The following BCAR3 variants were observed in gnomAD, a reference collection of about 807,000 sequenced individuals.
BCAR3 encodes BCAR3 adaptor protein, NSP family member.
Under a neutral mutation model 80.1 loss-of-function variants are expected in BCAR3, and 37 were observed. The observed-to-expected ratio is 0.46, with a 90% confidence interval of 0.36 to 0.61. The LOEUF (loss-of-function observed/expected upper bound fraction) is 0.61. Ranked by LOEUF, BCAR3 falls within the 20% of genes least tolerant of loss-of-function variation. The pLI is 0.00. For synonymous variants in BCAR3, 389 were observed against 418.9 expected (o/e 0.93, Z 0.87); for missense variants, 978 against 1,068.2 (o/e 0.92, Z 1.18).
intron 2 of BCAR3, among the ~76,000 whole-genome samples, chr1:93,658,813 G>C (rs1647513285): frequency 6.6e-6 from 1 of 152,144 alleles, no homozygotes; most frequent in Non-Finnish European, 1.5e-5. Flanking sequence ...CTCATTCCTA[G>C]AACACTTAAT....
chr1:93,581,411 ATTTT>A (rs201034104), intron 7 of BCAR3, among the ~76,000 whole-genome samples: 2 of 144,312 alleles, frequency 1.4e-5, no homozygotes, highest in East Asian at 2.0e-4. Context: ...GTATTTTAGA[ATTTT>A]TTTTTTTTTT....
At chr1:93,763,896 T>C (rs928509352) in intron 2 of BCAR3, among the ~76,000 whole-genome samples, 15 of 152,284 alleles carry the variant, frequency 9.9e-5, no homozygotes, top group African/African-American at 3.6e-4. Context: ...GCACAATCAG[T>C]CTGTGAGCTG....
intron 2 of BCAR3, among the ~76,000 whole-genome samples, chr1:93,643,168 G>A (rs758854030): frequency 2.6e-4 from 38 of 148,198 alleles, no homozygotes; most frequent in Non-Finnish European, 4.9e-4. Flanking sequence ...CAGAGGTTGC[G>A]GCGAGCCAAG....
intron 2 of BCAR3, among the ~76,000 whole-genome samples, chr1:93,766,118 T>A (rs2100734085): frequency 6.6e-6 from 1 of 152,310 alleles, no homozygotes; most frequent in South Asian, 2.1e-4. Flanking sequence ...GCAACCACCA[T>A]GCTACTCTGC....
chr1:93,749,732 T>C (rs1651486039), intron 2 of BCAR3, among the ~76,000 whole-genome samples: 1 of 152,152 alleles, frequency 6.6e-6, no homozygotes, highest in Non-Finnish European at 1.5e-5. Context: ...AAAATAGACT[T>C]AAAGTATAAA....
intron 3 of BCAR3, among the ~76,000 whole-genome samples, chr1:93,628,074 T>C (rs529990599): frequency 6.6e-6 from 1 of 152,182 alleles, no homozygotes; most frequent in Non-Finnish European, 1.5e-5. Flanking sequence ...TGACACTGAA[T>C]CATTCTACTC....
At chr1:93,738,380 A>G (rs1242068138) in intron 2 of BCAR3, among the ~76,000 whole-genome samples, 1 of 152,258 alleles carries the variant, frequency 6.6e-6, no homozygotes, top group Non-Finnish European at 1.5e-5. Context: ...AACTTGTCTA[A>G]TAGGCATTCC....
chr1:93,696,955 C>T (rs952639122), intron 3 of BCAR3, among the ~76,000 whole-genome samples: 3 of 152,250 alleles, frequency 2.0e-5, no homozygotes, highest in African/African-American at 7.2e-5. Context: ...GTGTTACAGC[C>T]TCCTCCAGCC....
intron 3 of BCAR3, among the ~76,000 whole-genome samples, chr1:93,704,566 C>T (rs1649769944): frequency 1.3e-5 from 2 of 152,216 alleles, no homozygotes; most frequent in African/African-American, 4.8e-5. Context: ...TATTATACTA[C>T]ACTTCACCAC....
chr1:93,615,124 T>G (rs1050045724), intron 3 of BCAR3, among the ~76,000 whole-genome samples: 6 of 151,952 alleles, frequency 3.9e-5, no homozygotes, highest in Non-Finnish European at 8.8e-5. Flanking sequence ...GAATGTGTCC[T>G]GAAGCTTTCT....
intron 2 of BCAR3, among the ~76,000 whole-genome samples, chr1:93,734,202 T>A (rs1650899224): frequency 6.6e-6 from 1 of 152,268 alleles, no homozygotes; most frequent in Non-Finnish European, 1.5e-5. Flanking sequence ...ACATGAAGTT[T>A]CAAGGCGCAC....
At chr1:93,657,299 TGAA>T (rs963612516) in intron 2 of BCAR3, among the ~76,000 whole-genome samples, 7 of 152,134 alleles carry the variant, frequency 4.6e-5, no homozygotes, top group Non-Finnish European at 1.0e-4. Flanking sequence ...TAAAAAAACC[TGAA>T]GAAGTAGTTC....
Position 93,584,088 on chromosome 1 carries a change from G to A in BCAR3, c.963C>T (p.Cys321=), listed in dbSNP as rs755921266. 6 of 1,614,034 alleles carry A rather than the reference G, an allele frequency of 3.7e-6. No homozygotes were observed. In the South Asian group the frequency reaches 4.4e-5, roughly 12 times the overall value. The part of the protein sequence containing the change: ...NKEKSGSQPA[C]LDHMQDRRAL... ...CTCTTCTGTCCTGCATGTGATCCAG[G>A]CAGGCGGGCTGGCTACCACTCTTTT... is the stretch of plus-strand genomic sequence containing the variant. Residue 321 remains cysteine (C), a synonymous_variant, in exon 6 of 12, where the codon TGC becomes TGT. Coordinates refer to ENST00000260502, the MANE Select transcript of BCAR3 (RefSeq NM_003567.4).
At chr1:93,696,581 T>C (rs1027223270) in intron 3 of BCAR3, among the ~76,000 whole-genome samples, 5 of 152,030 alleles carry the variant, frequency 3.3e-5, no homozygotes, top group Non-Finnish European at 7.4e-5. Flanking sequence ...CCTGCCCTTC[T>C]CCATTCTGTC....
chr1:93,658,185 C>T (rs972762459), intron 2 of BCAR3, among the ~76,000 whole-genome samples: 13 of 152,140 alleles, frequency 8.5e-5, no homozygotes, highest in South Asian at 4.2e-4. Flanking sequence ...GTGATCCGCC[C>T]GCCTCGGCCT....
At chr1:93,573,271 CCT>C (rs2101811380) in intron 8 of BCAR3, among the ~76,000 whole-genome samples, 1 of 152,228 alleles carries the variant, frequency 6.6e-6, no homozygotes, top group Admixed American at 6.5e-5. Context: ...GTGGCACATG[CCT>C]GTAGTCCCAG....
intron 2 of BCAR3, among the ~76,000 whole-genome samples, chr1:93,757,924 C>T (rs558654742): frequency 2.0e-5 from 3 of 152,324 alleles, no homozygotes; most frequent in African/African-American, 4.8e-5. Flanking sequence ...GGCTCGGACA[C>T]AAGGTTGAGT....
chr1:93,616,683 T>A (rs1570973086), intron 3 of BCAR3, among the ~76,000 whole-genome samples: 1 of 152,362 alleles, frequency 6.6e-6, no homozygotes, highest in East Asian at 1.9e-4. Context: ...GGCCACTTTC[T>A]GATGATCTGG....
chr1:93,815,360 C>T (rs1653979515), intron 2 of BCAR3, among the ~76,000 whole-genome samples: 1 of 152,154 alleles, frequency 6.6e-6, no homozygotes, highest in African/African-American at 2.4e-5. Context: ...AGAAGAGAAA[C>T]ATTTCTCAGC....
Sources: allele counts gnomAD v4.1 joint callset (sites outside exome capture counted in the v4.1 genomes callset), GRCh38; gene constraint gnomAD v4.1.1; transcripts MANE v1.5; gene names NCBI Gene and HGNC (gene_info 2026-07-23, HGNC 2026-07-21).